Variants in PLCB4 observed in about 807,000 individuals in gnomAD.
PLCB4 encodes the protein 1-phosphatidylinositol 4,5-bisphosphate phosphodiesterase beta-4.
PLCB4 carries 77 observed loss-of-function variants against 178.8 expected under a neutral mutation model. The ratio of observed to expected loss-of-function variants is 0.43; its 90% CI spans 0.36 to 0.52. The LOEUF is 0.52. Among genes scored for constraint, PLCB4 ranks in the 20% least tolerant of loss-of-function variants. The pLI is 0.00. For synonymous variants in PLCB4, 496 were observed against 490.8 expected, an observed-to-expected ratio of 1.01 and a Z score of -0.14; for missense variants, 1,024 against 1,453.4, an observed-to-expected ratio of 0.70 and a Z score of 4.80.
At chr20:9,106,330 G>C (rs537061680) in intron 2 of PLCB4, among the ~76,000 whole-genome samples, 1 of 151,360 alleles carries the variant, frequency 6.6e-6, no homozygotes. Context: ...TATATTTCTC[G>C]GTAACTAAAA....
chr20:9,398,990 C>A (rs185705572), intron 19 of PLCB4, among the ~76,000 whole-genome samples: 1 of 152,222 alleles, frequency 6.6e-6, no homozygotes, highest in Middle Eastern at 3.4e-3. Context: ...CATAGATATG[C>A]AAAAATACTT....
At chr20:9,074,958 C>A (rs1486160644) in intron 1 of PLCB4, among the ~76,000 whole-genome samples, 1 of 151,928 alleles carries the variant, frequency 6.6e-6, no homozygotes, top group Non-Finnish European at 1.5e-5. Context: ...CATGGAGTTT[C>A]TCGGAGAGTA....
chr20:9,459,126 C>G (rs1299491554), intron 34 of PLCB4, among the ~76,000 whole-genome samples: 2 of 152,174 alleles, frequency 1.3e-5, no homozygotes, highest in African/African-American at 4.8e-5. Flanking sequence ...GGTGGATCAC[C>G]TGAGATCGGG....
chr20:9,386,122 G>A (rs543802694), intron 14 of PLCB4, among the ~76,000 whole-genome samples: 67 of 152,186 alleles, frequency 4.4e-4, no homozygotes, highest in Non-Finnish European at 5.7e-4. Context: ...GCGTGGTGGC[G>A]CACACCCGCA....
intron 38 of PLCB4, among the ~76,000 whole-genome samples, chr20:9,474,773 G>A (rs2044432871): frequency 6.6e-6 from 1 of 152,134 alleles, no homozygotes; most frequent in East Asian, 1.9e-4. Context: ...ACTTTTTGGT[G>A]GACAGAAATT....
chr20:9,408,244 G>A lies in PLCB4; in HGVS notation c.1789+186G>A, dbSNP rs141455043. On this transcript the variant is annotated intron_variant, in intron 22 of 39. Coordinates refer to ENST00000378473, the MANE Select transcript of PLCB4 (RefSeq NM_001377142.1). ...GTGGTGACATTACATTGTCATTCAC[G>A]ACTTCAACCACAAGGTGGCGATGAG... 4.9e-4 allele frequency among the ~76,000 whole-genome samples: 74 copies of A among 152,250 alleles called. No homozygotes were observed. In the East Asian group the frequency reaches 8.7e-3, roughly 18 times the overall value.
At chr20:9,070,132 C>T (rs1324556491) in intron 1 of PLCB4, among the ~76,000 whole-genome samples, 3 of 152,016 alleles carry the variant, frequency 2.0e-5, no homozygotes, top group Non-Finnish European at 4.4e-5. Flanking sequence ...TAACGTTATT[C>T]AAACATAGGC....
rs536623091 is a variant in PLCB4 at position 9,443,122 on chromosome 20, T to C, written c.2765-859T>C. Among the ~76,000 whole-genome samples, 7 of 152,316 alleles carry C rather than the reference T, an allele frequency of 4.6e-5. No individual in the cohort carries two copies. The South Asian group carries it at 8.3e-4, about 18-fold the overall frequency. On this transcript the variant is annotated intron_variant, in intron 30 of 39. Transcript: ENST00000378473. ...ACTCAGATAGCAGGATGACTTAGTGTATTACCCTAGCTCCTCCTGGTATGC... is the reference window on the plus strand; with the variant it reads ...ACTCAGATAGCAGGATGACTTAGTGCATTACCCTAGCTCCTCCTGGTATGC...
At chr20:9,283,149 C>A (rs1471604105) in intron 3 of PLCB4, among the ~76,000 whole-genome samples, 1 of 151,824 alleles carries the variant, frequency 6.6e-6, no homozygotes, top group Non-Finnish European at 1.5e-5. Context: ...TAAATATATC[C>A]CCCCAGAAGG....
At chr20:9,473,154 G>A (rs1430399017) in intron 37 of PLCB4, 125 bp from the exon 38 acceptor site, 1 of 590,336 alleles carries the variant, frequency 1.7e-6, no homozygotes, top group Non-Finnish European at 2.9e-6. Flanking sequence ...CAAATTTTGA[G>A]ATGATTTTTT....
At chr20:9,438,051 A>T (rs2041881539) in intron 30 of PLCB4, among the ~76,000 whole-genome samples, 1 of 152,166 alleles carries the variant, frequency 6.6e-6, no homozygotes. Context: ...AATTGTCAAA[A>T]GGAAGGAAGA....
intron 1 of PLCB4, among the ~76,000 whole-genome samples, chr20:9,084,350 A>G (rs1568718058): frequency 6.6e-6 from 1 of 152,184 alleles, no homozygotes; most frequent in African/African-American, 2.4e-5. Context: ...TTGATAAGTA[A>G]TGTGTATTTG....
intron 21 of PLCB4, among the ~76,000 whole-genome samples, chr20:9,406,576 C>T (rs538700346): frequency 6.6e-6 from 1 of 151,776 alleles, no homozygotes; most frequent in African/African-American, 2.4e-5. Flanking sequence ...GAAAGCTCTG[C>T]CCCCCGGGTT....
chr20:9,160,144 G>C (rs1290530404), intron 2 of PLCB4, among the ~76,000 whole-genome samples: 1 of 152,184 alleles, frequency 6.6e-6, no homozygotes, highest in African/African-American at 2.4e-5. Context: ...GCACCTTTAT[G>C]TGCAGGTTTC....
intron 25 of PLCB4, 125 bp from the exon 26 acceptor site, chr20:9,419,682 C>A: frequency 1.4e-6 from 1 of 704,714 alleles, no homozygotes; most frequent in East Asian, 2.5e-5. Flanking sequence ...TCCTTAGGAC[C>A]CTCTGCCTAA....
At chr20:9,351,048 A>T (rs2034291021) in intron 7 of PLCB4, among the ~76,000 whole-genome samples, 1 of 152,222 alleles carries the variant, frequency 6.6e-6, no homozygotes, top group African/African-American at 2.4e-5. Context: ...TCCTTAAAAA[A>T]GTCCACATAT....
intron 2 of PLCB4, among the ~76,000 whole-genome samples, chr20:9,123,019 C>A (rs530506481): frequency 5.9e-5 from 9 of 152,118 alleles, no homozygotes; most frequent in Non-Finnish European, 1.0e-4. Flanking sequence ...TATAGCTATA[C>A]AATTTTTATG....
chr20:9,126,630 A>G (rs1156551080), intron 2 of PLCB4, among the ~76,000 whole-genome samples: 5 of 152,196 alleles, frequency 3.3e-5, no homozygotes, highest in African/African-American at 9.6e-5. Context: ...TAATTGCATC[A>G]TTGCACAAGC....
chr20:9,329,008 A>G (rs1457589910), intron 4 of PLCB4, among the ~76,000 whole-genome samples: 1 of 152,196 alleles, frequency 6.6e-6, no homozygotes, highest in African/African-American at 2.4e-5. Flanking sequence ...GAGGCATGCC[A>G]TTTGCAAGTG....
Sources: allele counts gnomAD v4.1 joint callset (sites outside exome capture counted in the v4.1 genomes callset), GRCh38; gene constraint gnomAD v4.1.1; transcripts MANE v1.5; gene names NCBI Gene and HGNC (gene_info 2026-07-23, HGNC 2026-07-21).